Variants in ERMN observed in about 807,000 individuals in gnomAD.
The protein encoded by ERMN is ermin, also known as ermin, ERM-like protein.
A neutral mutation model predicts 21.4 loss-of-function variants in ERMN; 17 were observed. The observed-to-expected ratio is 0.80, with a 90% CI of 0.54 to 1.19. The LOEUF (loss-of-function observed/expected upper bound fraction) is 1.19. ERMN is among the 50% of genes most tolerant of loss of function. The pLI is 0.00. For missense variants in ERMN, 348 were observed against 331.6 expected (o/e 1.05, Z -0.38); for synonymous variants, 115 against 111.9 (o/e 1.03, Z -0.17).
chr2:157,321,505 C>T lies in ERMN; in HGVS notation c.621G>A (p.Lys207=). ...ATTGAGAAACCTCTTCATGTTTTTT[C>T]TTAAATTCTATCACTCGAACTTCAT... The part of the protein sequence containing the change: ...DEDEVRVIEF[K]KKHEEVSQFK... The change falls in exon 3 of 3, where the codon AAG becomes AAA. Residue 207 remains lysine, a synonymous_variant. Transcript: ENST00000410096. 1.9e-6 allele frequency: 3 copies of T among 1,614,006 alleles called. No homozygotes were observed. The highest frequency in any genetic ancestry group is 2.5e-6 in the Non-Finnish European group (3 of 1,179,982).
At chr2:157,326,473 A>G (rs537283647), upstream of ERMN, among the ~76,000 whole-genome samples, 34 of 152,196 alleles carry the variant, frequency 2.2e-4, no homozygotes, top group Non-Finnish European at 4.6e-4. Context: ...TTAAAACCCT[A>G]ATAAAATTAT....
At chr2:157,321,918 C>G (rs1472220320) in intron 2 of ERMN, 127 bp from the exon 3 acceptor site, 1 of 818,388 alleles carries the variant, frequency 1.2e-6, no homozygotes, top group Non-Finnish European at 1.8e-6. Context: ...GGATATGATT[C>G]TGTGGGTTAC....
At chr2:157,326,735 C>T (rs1684077219), upstream of ERMN, among the ~76,000 whole-genome samples, 1 of 152,196 alleles carries the variant, frequency 6.6e-6, no homozygotes. Flanking sequence ...CCCTTCTCTT[C>T]CTCAAGCCCA....
chr2:157,318,989 A>C lies in ERMN; in HGVS notation c.*2282T>G, dbSNP rs1179542048. ...CCCCCTGAGTTTCAAATATGTTAAA[A>C]ATCCCCCATGCAATCTGAATCAGAC... On this transcript the variant is annotated 3_prime_UTR_variant, in exon 3 of 3. Transcript: ENST00000410096. The C allele has an allele frequency of 6.6e-6, 1 of 152,140 alleles. No individual in the cohort carries two copies. The highest frequency in any genetic ancestry group is 1.5e-5 in the Non-Finnish European group (1 of 68,024). 9.4% of individuals were successfully genotyped at this position (152,140 alleles called of 1,614,324 possible). A position where few individuals can be genotyped will look rare whatever the true frequency, so the allele number is the denominator to read the frequency against.
At position 157,324,133 on chromosome 2, in the gene ERMN, G is replaced by A. The variant is rs187562219; in HGVS notation, c.334+537C>T. ...ACACACACACACAAAATAGCTGGGC[G>A]TGGTGTCAGGTGCCTGTAATCCCAG... is the stretch of plus-strand genomic sequence containing the variant. On this transcript the variant is annotated intron_variant, in intron 2 of 2. Coordinates refer to ENST00000410096, the MANE Select transcript of ERMN (RefSeq NM_020711.3). The A allele has an allele frequency of 4.0e-5, 10 of 250,422 alleles. No homozygotes were observed. In the East Asian group the frequency reaches 4.9e-4, roughly 12 times the overall value. 15.5% of individuals were successfully genotyped at this position (250,422 alleles called of 1,614,324 possible).
At chr2:157,325,220 C>T (rs1424003636) in intron 1 of ERMN, 182 bp downstream of exon 1, 1 of 834,966 alleles carries the variant, frequency 1.2e-6, no homozygotes, top group Non-Finnish European at 2.0e-6. Flanking sequence ...GGGGTCACAG[C>T]TGTCAAATAG....
chr2:157,321,966 A>G (rs1683920458), intron 2 of ERMN, among the ~76,000 whole-genome samples, 175 bp from the exon 3 acceptor site: 1 of 152,234 alleles, frequency 6.6e-6, no homozygotes, highest in South Asian at 2.1e-4. Context: ...CAGCCAAATT[A>G]ATTTCAAAAA....
chr2:157,325,923 G>A, upstream of ERMN: 4 of 1,340,712 alleles, frequency 3.0e-6, no homozygotes, highest in Non-Finnish European at 3.8e-6. Context: ...CCCTGGCAGA[G>A]TTAAAGGCAT....
At chr2:157,326,494 G>A (rs900419211), upstream of ERMN, among the ~76,000 whole-genome samples, 6 of 152,068 alleles carry the variant, frequency 3.9e-5, no homozygotes, top group Admixed American at 6.6e-5. Flanking sequence ...CGCCATGAAG[G>A]TTTCTCCTCC....
In ERMN at chr2:157,325,473, C is replaced by CTT; in HGVS notation, c.168_169dup (p.Ser57LysfsTer24). ...TTGTAATTTTCTTCTTTCCTCCTGA[C>CTT]TTCCTTTGGTGAGTGCACCTTCCAG... On this transcript the variant is annotated frameshift_variant, in exon 1 of 3. Transcript: ENST00000410096. LOFTEE classifies it high-confidence loss of function. 1.2e-6 allele frequency: 2 copies of CTT among 1,614,170 alleles called. No individual in the cohort carries two copies. The highest frequency in any genetic ancestry group is 1.7e-6 in the Non-Finnish European group (2 of 1,180,024).
Position 157,321,057 on chromosome 2 carries a change from A to T in ERMN, c.*214T>A, listed in dbSNP as rs1574045648. On this transcript the variant is annotated 3_prime_UTR_variant, in exon 3 of 3. Transcript: ENST00000410096. ...TATATTAGTGAAGTTTTAAAAGATAAATGCCCAAGAATTTATTTAAAGCTT... is the reference window on the plus strand; with the variant it reads ...TATATTAGTGAAGTTTTAAAAGATATATGCCCAAGAATTTATTTAAAGCTT... The T allele has an allele frequency of 4.4e-5, 29 of 664,092 alleles. No homozygotes were observed. The East Asian group carries it at 8.4e-4, about 19-fold the overall frequency. The allele number at this position is 664,092 out of a possible 1,614,324, so 41.1% of individuals were successfully genotyped here.
chr2:157,326,134 A>T (rs1176510966), upstream of ERMN, among the ~76,000 whole-genome samples: 1 of 152,246 alleles, frequency 6.6e-6, no homozygotes, highest in Non-Finnish European at 1.5e-5. Context: ...ACCTTGAGGC[A>T]TATTAGTTCT....
Position 157,325,759 on chromosome 2 carries a change from G to A in ERMN, c.-117C>T. On this transcript the variant is annotated 5_prime_UTR_variant, in exon 1 of 3. Coordinates refer to ENST00000410096, the MANE Select transcript of ERMN (RefSeq NM_020711.3). ...TATAGTTCCAACTCCTACTCTAAGA[G>A]CACAAATTATTCACTTTAGTACATA... The A allele has an allele frequency of 1.3e-6, 2 of 1,560,858 alleles. No homozygotes were observed. Among genetic ancestry groups the A allele is most frequent in the East Asian group, 4.5e-5 (2 of 44,362 alleles).
At chr2:157,322,495 G>A (rs1008593642) in intron 2 of ERMN, among the ~76,000 whole-genome samples, 3 of 152,176 alleles carry the variant, frequency 2.0e-5, no homozygotes, top group Non-Finnish European at 4.4e-5. Flanking sequence ...TCAGTCTGTG[G>A]TGTACACAAC....
Position 157,324,690 on chromosome 2 carries a change from TCAG to T in ERMN, c.311_313del (p.Ala104del). 6.2e-7 allele frequency: 1 copy of T among 1,613,262 alleles called. No homozygotes were observed. The highest frequency in any genetic ancestry group is 8.5e-7 in the Non-Finnish European group (1 of 1,179,382). On this transcript the variant is annotated inframe_deletion, in exon 2 of 3. Transcript: ENST00000410096. ...GTTACCTTCTCTGAATGTCATTTCATCAGCACTAGTTTCTTGGAGAGAAAGATC... is the reference window on the plus strand; with the variant it reads ...GTTACCTTCTCTGAATGTCATTTCATCACTAGTTTCTTGGAGAGAAAGATC...
intron 1 of ERMN, 153 bp downstream of exon 1, chr2:157,325,249 A>G: frequency 9.6e-7 from 1 of 1,041,830 alleles, no homozygotes; most frequent in African/African-American, 1.6e-5. Context: ...GGATTTCACC[A>G]GAGGCAGAGG....
In ERMN at chr2:157,325,793, G is replaced by T; in HGVS notation, c.-151C>A. ...ATTCACTTTAGTACATAATAACAAG[G>T]TTCTTTTCCTAAAAGTATCCAGACA... On this transcript the variant is annotated 5_prime_UTR_variant, in exon 1 of 3. Transcript: ENST00000410096. 1 of 1,499,450 alleles carries T rather than the reference G, an allele frequency of 6.7e-7. No individual in the cohort carries two copies. The highest frequency in any genetic ancestry group is 8.9e-7 in the Non-Finnish European group (1 of 1,128,784). The allele number at this position is 1,499,450 out of a possible 1,614,324, so 92.9% of individuals were successfully genotyped here. A position where few individuals can be genotyped will look rare whatever the true frequency, so the allele number is the denominator to read the frequency against.
At position 157,325,386 on chromosome 2, in the gene ERMN, A is replaced by G. The variant is rs1462090942; in HGVS notation, c.241+16T>C. 2 of 1,611,140 alleles carry G rather than the reference A, an allele frequency of 1.2e-6. No individual in the cohort carries two copies. The highest frequency in any genetic ancestry group is 1.7e-6 in the Non-Finnish European group (2 of 1,177,872). On this transcript the variant is annotated intron_variant, in intron 1 of 2. Transcript: ENST00000410096. ...AAGTCAAAACAAGAAAATTAAGGAG[A>G]AGGGAAACACTTTACCTTTTAGCAT...
At position 157,318,980 on chromosome 2, in the gene ERMN, TA is replaced by T. The variant is rs1683794133; in HGVS notation, c.*2290del. 6.6e-6 allele frequency: 1 copy of T among 152,144 alleles called. No homozygotes were observed. The highest frequency in any genetic ancestry group is 6.6e-5 in the Admixed American group (1 of 15,252). The allele number at this position is 152,144 out of a possible 1,614,324, so 9.4% of individuals were successfully genotyped here. A position where few individuals can be genotyped will look rare whatever the true frequency, so the allele number is the denominator to read the frequency against. ...AATCATGTTCCCCCTGAGTTTCAAA[TA>T]TGTTAAAAATCCCCCATGCAATCTG... On this transcript the variant is annotated 3_prime_UTR_variant, in exon 3 of 3. Transcript: ENST00000410096.
Sources: gnomAD v4.1 joint callset for allele counts (sites outside exome capture counted in the v4.1 genomes callset) on GRCh38, gnomAD v4.1.1 for gene constraint, MANE v1.5 for transcripts, NCBI Gene and HGNC (gene_info 2026-07-23, HGNC 2026-07-21) for gene names.